ACTN1: variants seen among roughly 807,000 people sequenced by gnomAD.
ACTN1 encodes alpha-actinin-1.
Under a neutral mutation model 119.6 loss-of-function variants are expected in ACTN1, and 30 were observed. The observed-to-expected ratio is 0.25, with a 90% confidence interval of 0.19 to 0.34. The LOEUF is 0.34. Ranked by LOEUF, ACTN1 falls within the 10% of genes least tolerant of loss-of-function variation. The probability of loss-of-function intolerance (pLI) is 1.00; values close to 1 mark genes in which losing one functional copy is unlikely to be tolerated. For missense variants in ACTN1, 764 were observed against 1,223.4 expected, an observed-to-expected ratio of 0.62 and a Z score of 5.60; for synonymous variants, 429 against 472.6, an observed-to-expected ratio of 0.91 and a Z score of 1.20.
At chr14:68,964,480 CTCCCT>C (rs1192799927) in intron 1 of ACTN1, among the ~76,000 whole-genome samples, 1 of 152,116 alleles carries the variant, frequency 6.6e-6, no homozygotes, top group East Asian at 1.9e-4. Context: ...CATGAGGGGC[CTCCCT>C]TCTCCAGTCA....
chr14:68,914,498 G>C (rs888400076), intron 3 of ACTN1, among the ~76,000 whole-genome samples: 7 of 152,182 alleles, frequency 4.6e-5, no homozygotes, highest in African/African-American at 1.7e-4. Flanking sequence ...GGGTGAAGTA[G>C]CTCATGCCTT....
Position 68,892,062 on chromosome 14 carries a change from C to T in ACTN1, c.1077G>A (p.Arg359=), listed in dbSNP as rs768566771. 17 of 1,613,786 alleles carry T rather than the reference C, an allele frequency of 1.1e-5. No homozygotes were observed. In the South Asian group the frequency reaches 1.9e-4, roughly 18 times the overall value. Residue 359 remains arginine (R), a synonymous_variant, in exon 10 of 22, where the codon AGG becomes AGA. Coordinates refer to ENST00000394419, the MANE Select transcript of ACTN1 (RefSeq NM_001130004.2). The part of the protein sequence containing the change: ...NRPAFMPSEG[R]MVSDINNAWG... Reference sequence around the variant, plus strand: ...CACCCCCAGTGCTCACCGAGACCATCCTGCCCTCAGAGGGCATGAAGGCAG... The same window carrying T: ...CACCCCCAGTGCTCACCGAGACCATTCTGCCCTCAGAGGGCATGAAGGCAG...
intron 10 of ACTN1, 35 bp from the exon 11 acceptor site, chr14:68,890,321 C>T: frequency 1.2e-6 from 2 of 1,610,782 alleles, no homozygotes; most frequent in Middle Eastern, 1.7e-4. Flanking sequence ...CAGGGTCTGG[C>T]TTGGGCCTAG....
chr14:68,952,910 G>C (rs1472649453), intron 1 of ACTN1, among the ~76,000 whole-genome samples: 1 of 152,172 alleles, frequency 6.6e-6, no homozygotes, highest in Non-Finnish European at 1.5e-5. Flanking sequence ...GGGCAGATTT[G>C]AAAGGAGAAG....
intron 10 of ACTN1, among the ~76,000 whole-genome samples, chr14:68,891,614 C>T (rs1044576551): frequency 2.0e-5 from 3 of 152,022 alleles, no homozygotes; most frequent in African/African-American, 4.8e-5. Flanking sequence ...TTATTTGTAT[C>T]TTTGAAATAT....
rs2031370406 is a variant in ACTN1, at chr14:68,880,257, C to A, written c.2134-149G>T. 1 of 986,320 alleles carries A rather than the reference C, an allele frequency of 1.0e-6. No homozygotes were observed. Among genetic ancestry groups the A allele is most frequent in the South Asian group, 1.6e-5 (1 of 60,882 alleles). The allele number at this position is 986,320 out of a possible 1,614,324, so 61.1% of individuals were successfully genotyped here. On this transcript the variant is annotated intron_variant, in intron 17 of 21. Coordinates refer to ENST00000394419, the MANE Select transcript of ACTN1 (RefSeq NM_001130004.2). This position sits in a 1 kb window ranked among gnomAD's most constrained non-coding sequence, Gnocchi z 4.6. ...CTGAGTGTCACCAGAGGAAGGGGAACCAGGACAAGGACAACCTACTAGGAC... is the reference window on the plus strand; with the variant it reads ...CTGAGTGTCACCAGAGGAAGGGGAAACAGGACAAGGACAACCTACTAGGAC...
At position 68,885,180 on chromosome 14, in the gene ACTN1, G is replaced by T. The variant is rs2031891046; in HGVS notation, c.1385+245C>A. 6.6e-6 allele frequency among the ~76,000 whole-genome samples: 1 copy of T among 152,070 alleles called. No homozygotes were observed. On this transcript the variant is annotated intron_variant, in intron 12 of 21. Transcript: ENST00000394419. The surrounding 1 kb of genome is among the most constrained non-coding windows in gnomAD (Gnocchi z 5.6). ...CGAGAAAGCTCAGAACCAAGTCTTGGTCACCCTCTGCTCCTGTACTAGCTA... is the reference window on the plus strand; with the variant it reads ...CGAGAAAGCTCAGAACCAAGTCTTGTTCACCCTCTGCTCCTGTACTAGCTA...
Position 68,875,036 on chromosome 14 carries a change from C to T in ACTN1, c.2587-19G>A. The T allele has an allele frequency of 1.9e-6, 3 of 1,611,140 alleles. No individual in the cohort carries two copies. The highest frequency in any genetic ancestry group is 1.1e-5 in the South Asian group (1 of 91,044). On this transcript the variant is annotated intron_variant, in intron 21 of 21. Transcript: ENST00000394419. Reference sequence around the variant, plus strand: ...TGTAGTTCTGCGAGGAGAGAGTGGTCAGGAAGGCCGCAAAGTCCAGCAGCC... The same window carrying T: ...TGTAGTTCTGCGAGGAGAGAGTGGTTAGGAAGGCCGCAAAGTCCAGCAGCC...
chr14:68,948,351 T>C (rs1350318874), intron 1 of ACTN1, among the ~76,000 whole-genome samples: 1 of 152,168 alleles, frequency 6.6e-6, no homozygotes, highest in African/African-American at 2.4e-5. Flanking sequence ...CCAAGGTGGG[T>C]GGATCACCTG....
Position 68,885,340 on chromosome 14 carries a change from C to G in ACTN1, c.1385+85G>C. 6.8e-7 allele frequency: 1 copy of G among 1,461,518 alleles called. No individual in the cohort carries two copies. The highest frequency in any genetic ancestry group is 1.3e-5 in the South Asian group (1 of 76,792). 90.5% of individuals were successfully genotyped at this position (1,461,518 alleles called of 1,614,324 possible). A position where few individuals can be genotyped will look rare whatever the true frequency, so the allele number is the denominator to read the frequency against. On this transcript the variant is annotated intron_variant, in intron 12 of 21. Transcript: ENST00000394419. The surrounding 1 kb of genome is among the most constrained non-coding windows in gnomAD (Gnocchi z 5.6). ...CTGTACCCACCCTCCCCATCTTCCACGGCCACACCCCCACCTCCCCCAGCA... is the reference window on the plus strand; with the variant it reads ...CTGTACCCACCCTCCCCATCTTCCAGGGCCACACCCCCACCTCCCCCAGCA...
At chr14:68,888,227 G>T in intron 11 of ACTN1, 1 of 396,410 alleles carries the variant, frequency 2.5e-6, no homozygotes, top group Non-Finnish European at 4.7e-6. Flanking sequence ...GAATTCCCAG[G>T]TCAGAGTGTA....
intron 1 of ACTN1, among the ~76,000 whole-genome samples, chr14:68,969,153 TAAGAA>T (rs1297843514): frequency 2.0e-5 from 3 of 151,466 alleles, no homozygotes; most frequent in Non-Finnish European, 4.4e-5. Flanking sequence ...CCTCTAAATA[TAAGAA>T]AAGAGAGAAA....
intron 3 of ACTN1, among the ~76,000 whole-genome samples, chr14:68,916,493 G>A (rs34218475): frequency 0.019 from 2,840 of 152,318 alleles, 93 homozygotes; most frequent in African/African-American, 0.063. Flanking sequence ...CGCCAAGCAC[G>A]AGCATAGAGA....
intron 3 of ACTN1, among the ~76,000 whole-genome samples, chr14:68,914,808 A>G (rs1226240279): frequency 6.6e-6 from 1 of 152,170 alleles, no homozygotes; most frequent in African/African-American, 2.4e-5. Context: ...AAAAAAACCC[A>G]AAGTTGAAAA....
rs758102806 is a variant in ACTN1 at position 68,874,900 on chromosome 14, T to G, written c.2704A>C (p.Met902Leu). The stretch of plus-strand genomic sequence containing the variant: ...CCGTACAGCGCCGTGGAGAAGGACA[T>G]GTAGTCCAGAGCACCTGGCACGGAG... ...PDSVPGALDY[M>L]SFSTALYGES... Residue 902 changes from methionine (M) to leucine (L), a missense_variant, in exon 22 of 22, where the codon ATG becomes CTG. This residue lies in a region of ACTN1 where 102 missense variants were observed against 78.2 expected (regional missense o/e 1.30). Coordinates refer to ENST00000394419, the MANE Select transcript of ACTN1 (RefSeq NM_001130004.2). 1 of 1,608,518 alleles carries G rather than the reference T, an allele frequency of 6.2e-7. No individual in the cohort carries two copies. Among genetic ancestry groups the G allele is most frequent in the Non-Finnish European group, 8.5e-7 (1 of 1,175,678 alleles).
At chr14:68,965,326 G>A (rs1419080217) in intron 1 of ACTN1, among the ~76,000 whole-genome samples, 1 of 152,178 alleles carries the variant, frequency 6.6e-6, no homozygotes, top group Non-Finnish European at 1.5e-5. Context: ...GCTGGGCTCT[G>A]CAAATAAACA....
chr14:68,975,406 G>A (rs531663366), intron 1 of ACTN1, among the ~76,000 whole-genome samples: 42 of 152,234 alleles, frequency 2.8e-4, no homozygotes, highest in South Asian at 4.1e-4. Flanking sequence ...ATATCTGCTC[G>A]CATCAAGCCA....
chr14:68,890,358 C>A, intron 10 of ACTN1, 72 bp from the exon 11 acceptor site: 1 of 1,550,522 alleles, frequency 6.4e-7, no homozygotes. Context: ...CCCCCTAGAC[C>A]CCTGAAGGTG....
intron 13 of ACTN1, among the ~76,000 whole-genome samples, chr14:68,884,563 A>G (rs1361219997): frequency 6.6e-6 from 1 of 152,224 alleles, no homozygotes; most frequent in Non-Finnish European, 1.5e-5. Context: ...AACTGGGAGG[A>G]TGAGACATGT....
Sources: allele counts gnomAD v4.1 joint callset (sites outside exome capture counted in the v4.1 genomes callset), GRCh38; gene constraint gnomAD v4.1.1; regional missense constraint gnomAD v4.1.1; non-coding constraint Gnocchi (gnomAD v3.1); transcripts MANE v1.5; gene names NCBI Gene and HGNC (gene_info 2026-07-23, HGNC 2026-07-21).